The following DPP10 variants were observed in gnomAD, a reference collection of about 807,000 sequenced individuals.
The protein encoded by DPP10 is dipeptidyl peptidase like 10, also known as inactive dipeptidyl peptidase 10.
Under a neutral mutation model 120.9 loss-of-function variants are expected in DPP10, and 33 were observed. The ratio of observed to expected loss-of-function variants is 0.27; its 90% CI spans 0.21 to 0.37. The LOEUF is 0.37. DPP10 is among the 10% of genes least tolerant of loss of function. DPP10 has a pLI of 1.00. For missense variants in DPP10, 816 were observed against 942.8 expected (o/e 0.87, Z 1.76); for synonymous variants, 337 against 326.1 (o/e 1.03, Z -0.36).
chr2:115,029,191 G>A (rs149678455), intron 1 of DPP10, among the ~76,000 whole-genome samples: 153 of 151,904 alleles, frequency 1.0e-3, no homozygotes, highest in African/African-American at 3.5e-3. Flanking sequence ...CTGGTAGCGT[G>A]TTTTAATTTG....
At chr2:115,823,625 A>T (rs1688025838) in intron 21 of DPP10, among the ~76,000 whole-genome samples, 1 of 151,908 alleles carries the variant, frequency 6.6e-6, no homozygotes, top group Non-Finnish European at 1.5e-5. Context: ...GATTTATGAG[A>T]TTTATTTTTA....
At chr2:115,574,951 A>G (rs907370098) in intron 5 of DPP10, among the ~76,000 whole-genome samples, 2 of 152,172 alleles carry the variant, frequency 1.3e-5, no homozygotes, top group Non-Finnish European at 2.9e-5. Flanking sequence ...GATGCCTAGA[A>G]AGAAAGCTCT....
At chr2:115,543,227 A>T (rs1033653389) in intron 5 of DPP10, among the ~76,000 whole-genome samples, 2 of 152,048 alleles carry the variant, frequency 1.3e-5, no homozygotes, top group African/African-American at 4.8e-5. Context: ...GACCTGCCAG[A>T]AAATTCCGGT....
At chr2:115,493,444 A>G (rs1402493338) in intron 3 of DPP10, among the ~76,000 whole-genome samples, 1 of 152,000 alleles carries the variant, frequency 6.6e-6, no homozygotes, top group Non-Finnish European at 1.5e-5. Context: ...GGGAAATGTC[A>G]GGACATTAGT....
chr2:115,681,867 G>C (rs1227571466), intron 5 of DPP10, among the ~76,000 whole-genome samples: 2 of 149,396 alleles, frequency 1.3e-5, no homozygotes, highest in East Asian at 3.9e-4. Flanking sequence ...AAACTGCTAA[G>C]GAAAACACAA....
chr2:114,545,656 A>G (rs565868198), intron 1 of DPP10, among the ~76,000 whole-genome samples: 41 of 152,260 alleles, frequency 2.7e-4, no homozygotes, highest in African/African-American at 9.4e-4. Context: ...TCTTTTTGCA[A>G]AAAAACAGTC....
chr2:115,273,405 T>C (rs537287367), intron 1 of DPP10, among the ~76,000 whole-genome samples: 2 of 152,206 alleles, frequency 1.3e-5, no homozygotes, highest in South Asian at 2.1e-4. Flanking sequence ...GCAGTGATCT[T>C]GGCTCACTGC....
intron 1 of DPP10, among the ~76,000 whole-genome samples, chr2:115,147,155 A>G (rs542004768): frequency 4.6e-5 from 7 of 151,298 alleles, no homozygotes; most frequent in African/African-American, 1.7e-4. Flanking sequence ...TACTATATAT[A>G]CTATATATAT....
At chr2:115,115,483 T>C (rs1247653738) in intron 1 of DPP10, among the ~76,000 whole-genome samples, 3 of 152,186 alleles carry the variant, frequency 2.0e-5, no homozygotes, top group African/African-American at 4.8e-5. Flanking sequence ...TCTCTATCTC[T>C]TTCAACCATG....
chr2:115,455,837 A>T (rs1458801270), intron 3 of DPP10, among the ~76,000 whole-genome samples: 1 of 152,182 alleles, frequency 6.6e-6, no homozygotes, highest in Non-Finnish European at 1.5e-5. Context: ...TAAAGACTTA[A>T]ACATAAGACT....
chr2:114,587,018 C>A (rs1691038421), intron 1 of DPP10, among the ~76,000 whole-genome samples: 1 of 152,106 alleles, frequency 6.6e-6, no homozygotes, highest in Non-Finnish European at 1.5e-5. Context: ...ACAGCCTAGG[C>A]CGGGTGCAGT....
chr2:115,333,267 A>G (rs1449985016), intron 2 of DPP10, among the ~76,000 whole-genome samples: 2 of 151,842 alleles, frequency 1.3e-5, no homozygotes, highest in East Asian at 3.9e-4. Context: ...TTTGTTTTCC[A>G]TTTGCTTGGT....
chr2:115,328,796 A>G (rs914714612), intron 2 of DPP10, among the ~76,000 whole-genome samples: 1 of 152,118 alleles, frequency 6.6e-6, no homozygotes, highest in Admixed American at 6.6e-5. Flanking sequence ...ACTGCTGGAT[A>G]TAGTGTGATT....
At chr2:114,627,519 A>G (rs1008246416) in intron 1 of DPP10, among the ~76,000 whole-genome samples, 3 of 152,106 alleles carry the variant, frequency 2.0e-5, no homozygotes, top group Admixed American at 6.6e-5. Context: ...ATGACCAGCC[A>G]CAGCACTGGA....
chr2:114,709,167 A>G (rs1176479588), intron 1 of DPP10, among the ~76,000 whole-genome samples: 1 of 152,146 alleles, frequency 6.6e-6, no homozygotes, highest in African/African-American at 2.4e-5. Flanking sequence ...AAAGGGAGGC[A>G]TTGGCAGGAG....
intron 1 of DPP10, among the ~76,000 whole-genome samples, chr2:114,443,811 A>G (rs1677794162): frequency 6.6e-6 from 1 of 151,970 alleles, no homozygotes; most frequent in South Asian, 2.1e-4. Context: ...ATTCCTGATA[A>G]GCCTGACTTT....
At chr2:114,843,510 C>T (rs1412471062) in intron 1 of DPP10, among the ~76,000 whole-genome samples, 1 of 152,076 alleles carries the variant, frequency 6.6e-6, no homozygotes, top group East Asian at 1.9e-4. Flanking sequence ...AAAGTAATAT[C>T]CTTCTATCTA....
intron 1 of DPP10, among the ~76,000 whole-genome samples, chr2:114,650,073 G>A (rs1046558868): frequency 3.9e-5 from 6 of 152,066 alleles, no homozygotes; most frequent in Non-Finnish European, 7.4e-5. Flanking sequence ...AGGAGATTTC[G>A]ATCAAGTTTC....
chr2:115,372,609 T>C (rs1029694658), intron 3 of DPP10, among the ~76,000 whole-genome samples: 2 of 152,196 alleles, frequency 1.3e-5, no homozygotes, highest in African/African-American at 4.8e-5. Flanking sequence ...CCAGGCACCC[T>C]TACTTGCGGT....
Sources: gnomAD v4.1 joint callset for allele counts (sites outside exome capture counted in the v4.1 genomes callset) on GRCh38, gnomAD v4.1.1 for gene constraint, MANE v1.5 for transcripts, NCBI Gene and HGNC (gene_info 2026-07-23, HGNC 2026-07-21) for gene names.